ZNF577: variants seen among roughly 807,000 people sequenced by gnomAD.
ZNF577 encodes the protein zinc finger protein 577.
Under a neutral mutation model 13.9 loss-of-function variants are expected in ZNF577, and 14 were observed. The observed-to-expected ratio is 1.00, with a 90% confidence interval of 0.66 to 1.57. ZNF577 has a LOEUF of 1.57. Ranked by LOEUF, ZNF577 falls within the 40% of genes most tolerant of loss-of-function variation. The probability of loss-of-function intolerance (pLI) is 0.00; values close to 1 mark genes in which losing one functional copy is unlikely to be tolerated. For synonymous variants in ZNF577, 203 were observed against 202.9 expected (o/e 1.00, Z 0.00); for missense variants, 555 against 579.2 (o/e 0.96, Z 0.43).
At chr19:51,807,128 G>A (rs941773214) in intron 10 of ZNF577, among the ~76,000 whole-genome samples, 2 of 152,176 alleles carry the variant, frequency 1.3e-5, no homozygotes, top group Non-Finnish European at 2.9e-5. Flanking sequence ...TGGAAGAAGC[G>A]GTCAGGGGGC....
intron 5 of ZNF577, among the ~76,000 whole-genome samples, chr19:51,845,445 C>T (rs2084346170): frequency 6.6e-6 from 1 of 151,782 alleles, no homozygotes; most frequent in African/African-American, 2.4e-5. Context: ...GCGAAGATTG[C>T]ACCATTGCAC....
rs1233419022 is a variant in ZNF577, at chr19:51,869,496, G to A, written c.*3036C>T. 6.6e-6 allele frequency among the ~76,000 whole-genome samples: 1 copy of A among 152,124 alleles called. No individual in the cohort carries two copies. The highest frequency in any genetic ancestry group is 1.5e-5 in the Non-Finnish European group (1 of 68,026). On this transcript the variant is annotated 3_prime_UTR_variant, in exon 6 of 6. Coordinates refer to ENST00000638348, the MANE Select transcript of ZNF577 (RefSeq NM_001370449.1). ...AGTCCTGCCACATCCCCCTCTCCGAGATGGTAGAGATAGTGATCAACAAAT... is the reference window on the plus strand; with the variant it reads ...AGTCCTGCCACATCCCCCTCTCCGAAATGGTAGAGATAGTGATCAACAAAT...
At chr19:51,856,041 T>C (rs529638726) in intron 5 of ZNF577, 1 of 152,308 alleles carries the variant, frequency 6.6e-6, no homozygotes, top group East Asian at 1.9e-4. Flanking sequence ...GGTTCAAAAT[T>C]TTTTTCTTGA....
intron 9 of ZNF577, among the ~76,000 whole-genome samples, chr19:51,831,796 T>C (rs888625506): frequency 6.6e-6 from 1 of 152,258 alleles, no homozygotes; most frequent in Non-Finnish European, 1.5e-5. Flanking sequence ...TCATCGATTA[T>C]GTTAGTAATT....
At chr19:51,859,195 T>C (rs1370400351) in intron 5 of ZNF577, among the ~76,000 whole-genome samples, 2 of 152,222 alleles carry the variant, frequency 1.3e-5, no homozygotes, top group Non-Finnish European at 1.5e-5. Context: ...TGACCATTTA[T>C]GTATTCATGT....
intron 5 of ZNF577, among the ~76,000 whole-genome samples, chr19:51,857,021 T>G (rs888392301): frequency 2.0e-5 from 3 of 151,980 alleles, no homozygotes; most frequent in Admixed American, 6.6e-5. Flanking sequence ...TCTGGGAAAG[T>G]CAAGAGAAAT....
At chr19:51,863,565 G>A (rs2084527346), downstream of ZNF577, among the ~76,000 whole-genome samples, 1 of 152,108 alleles carries the variant, frequency 6.6e-6, no homozygotes, top group East Asian at 1.9e-4. Flanking sequence ...CCTGTGTGTG[G>A]TGTGTGTGTA....
chr19:51,877,479 A>C, intron 4 of ZNF577, 102 bp from the exon 5 acceptor site: 1 of 918,896 alleles, frequency 1.1e-6, no homozygotes. Context: ...CACTTTGATA[A>C]AGCAAAACTC....
intron 5 of ZNF577, among the ~76,000 whole-genome samples, chr19:51,874,487 T>TG (rs766229703): frequency 4.2e-5 from 6 of 144,192 alleles, no homozygotes; most frequent in Admixed American, 6.9e-5. Context: ...TTAGGTGTGA[T>TG]AAAAAAAAAA....
At chr19:51,882,151 T>C (rs1175921848) in intron 1 of ZNF577, among the ~76,000 whole-genome samples, 1 of 152,016 alleles carries the variant, frequency 6.6e-6, no homozygotes, top group Non-Finnish European at 1.5e-5. Context: ...TCCATATGGA[T>C]AGCTAAGAGG....
At chr19:51,807,652 G>A (rs970078344) in intron 10 of ZNF577, among the ~76,000 whole-genome samples, 5 of 152,186 alleles carry the variant, frequency 3.3e-5, no homozygotes, top group Non-Finnish European at 7.3e-5. Context: ...CTGTCCACCT[G>A]GAATAGGTTT....
intron 6 of ZNF577, among the ~76,000 whole-genome samples, chr19:51,843,752 A>C (rs1296282161): frequency 1.3e-5 from 2 of 152,236 alleles, no homozygotes; most frequent in Non-Finnish European, 2.9e-5. Flanking sequence ...ACTAAGACAG[A>C]AGTATGCTCA....
downstream of ZNF577, among the ~76,000 whole-genome samples, chr19:51,866,028 T>C (rs977050776): frequency 1.3e-5 from 2 of 151,824 alleles, no homozygotes; most frequent in African/African-American, 4.8e-5. Context: ...GGCAGGAGAA[T>C]TGCTTGAACT....
chr19:51,877,591 AACAG>A, intron 4 of ZNF577: 5 of 407,324 alleles, frequency 1.2e-5, no homozygotes, highest in Non-Finnish European at 1.8e-5. Context: ...CAAAAAAACA[AACAG>A]ACAAACAAAA....
chr19:51,819,511 T>G (rs1417837459), intron 9 of ZNF577, among the ~76,000 whole-genome samples: 1 of 152,110 alleles, frequency 6.6e-6, no homozygotes, highest in African/African-American at 2.4e-5. Context: ...AAAAATGTGT[T>G]TGAAGTAGGA....
At chr19:51,883,888 C>T (rs187573828) in intron 1 of ZNF577, among the ~76,000 whole-genome samples, 69 of 152,140 alleles carry the variant, frequency 4.5e-4, no homozygotes, top group African/African-American at 1.6e-3. Context: ...GCCTGGCCAA[C>T]AGGAAGAAAC....
chr19:51,870,620 T>TC lies in ZNF577; in HGVS notation c.*1911dup, dbSNP rs35962045. 0.11 allele frequency among the ~76,000 whole-genome samples: 17,434 copies of TC among 152,162 alleles called. 1,974 individuals carry two copies. The highest frequency in any genetic ancestry group is 0.27 in the African/African-American group (11,347 of 41,440). On this transcript the variant is annotated 3_prime_UTR_variant, in exon 6 of 6. Transcript: ENST00000638348. ...TTCTTCCTCCAGCCTAGGGGGGGTTTCTCACATACATATGCTGATTATGAC... is the reference window on the plus strand; with the variant it reads ...TTCTTCCTCCAGCCTAGGGGGGGTTTCCTCACATACATATGCTGATTATGAC...
chr19:51,857,352 A>AACAG (rs1568442071), intron 5 of ZNF577, among the ~76,000 whole-genome samples: 1 of 101,244 alleles, frequency 9.9e-6, no homozygotes, highest in African/African-American at 5.0e-5. Context: ...GAAAGAGAGA[A>AACAG]AGAAAGAAGG....
intron 5 of ZNF577, among the ~76,000 whole-genome samples, chr19:51,845,959 A>C (rs2122552350): frequency 6.6e-6 from 1 of 152,100 alleles, no homozygotes; most frequent in South Asian, 2.1e-4. Context: ...CAAAGTGCTG[A>C]TTTCATTTCC....
Sources: allele counts gnomAD v4.1 joint callset (sites outside exome capture counted in the v4.1 genomes callset), GRCh38; gene constraint gnomAD v4.1.1; transcripts MANE v1.5; gene names NCBI Gene and HGNC (gene_info 2026-07-23, HGNC 2026-07-21).